ADAMTSL1: variants seen among roughly 807,000 people sequenced by gnomAD.
The protein encoded by ADAMTSL1 is ADAMTS like 1.
Under a neutral mutation model 201.8 loss-of-function variants are expected in ADAMTSL1, and 126 were observed. The ratio of observed to expected loss-of-function variants is 0.62; its 90% CI spans 0.54 to 0.72. The LOEUF (loss-of-function observed/expected upper bound fraction) is 0.72, where lower values mean the gene tolerates loss of function less well. Among genes scored for constraint, ADAMTSL1 ranks in the 30% least tolerant of loss-of-function variants. The pLI, the probability that ADAMTSL1 is intolerant of heterozygous loss-of-function variation, is 0.00. For synonymous variants in ADAMTSL1, 1,121 were observed against 903.4 expected (o/e 1.24, Z -4.32); for missense variants, 2,679 against 2,277.8 (o/e 1.18, Z -3.59).
chr9:18,702,826 G>A (rs1017263046), intron 13 of ADAMTSL1, among the ~76,000 whole-genome samples: 5 of 151,628 alleles, frequency 3.3e-5, no homozygotes, highest in East Asian at 3.9e-4. Context: ...GCGGTGGCAC[G>A]ATCTTGGCTC....
At chr9:18,892,313 T>C in intron 25 of ADAMTSL1, 76 bp from the exon 26 acceptor site, 2 of 1,428,690 alleles carry the variant, frequency 1.4e-6, no homozygotes, top group South Asian at 1.3e-5. Flanking sequence ...AGAGCAGGGA[T>C]GTCGGTGGGG....
chr9:18,277,903 G>T (rs1180000666), intron 2 of ADAMTSL1, among the ~76,000 whole-genome samples: 1 of 151,900 alleles, frequency 6.6e-6, no homozygotes, highest in African/African-American at 2.4e-5. Context: ...TGATTTTGAT[G>T]ATTTTTTTTG....
In ADAMTSL1 at chr9:18,843,804, C is replaced by A. The variant is rs1026837321; in HGVS notation, c.4249+13827C>A. ...TTCATTTGATCTTCAATCACTGATA[C>A]CCTTTCTTCCAGTTGATCACATCAG... On this transcript the variant is annotated intron_variant, in intron 23 of 28. Transcript: ENST00000380548. 5.3e-5 allele frequency among the ~76,000 whole-genome samples: 8 copies of A among 151,072 alleles called. 2 individuals carry two copies. The highest frequency in any genetic ancestry group is 4.1e-4 in the South Asian group (2 of 4,822).
intron 1 of ADAMTSL1, among the ~76,000 whole-genome samples, chr9:18,493,743 T>A (rs1203242505): frequency 6.6e-6 from 1 of 152,094 alleles, no homozygotes; most frequent in Admixed American, 6.5e-5. Flanking sequence ...TCTGCATACA[T>A]TTTTTCCCTC....
At chr9:18,662,227 G>A (rs903731462) in intron 9 of ADAMTSL1, among the ~76,000 whole-genome samples, 154 bp downstream of exon 9, 2 of 152,066 alleles carry the variant, frequency 1.3e-5, no homozygotes, top group Non-Finnish European at 1.5e-5. Context: ...CGTGTTATTA[G>A]TACCCATACT....
At chr9:18,863,203 G>C (rs1296631403) in intron 23 of ADAMTSL1, among the ~76,000 whole-genome samples, 1 of 152,172 alleles carries the variant, frequency 6.6e-6, no homozygotes, top group Non-Finnish European at 1.5e-5. Context: ...CCAAGTCCTA[G>C]GGTATGGGTG....
chr9:18,097,500 T>C (rs1824303937), intron 1 of ADAMTSL1, among the ~76,000 whole-genome samples: 1 of 152,204 alleles, frequency 6.6e-6, no homozygotes, highest in East Asian at 1.9e-4. Context: ...CAGTGTATTC[T>C]TCAAAGTCAT....
Position 18,828,661 on chromosome 9 carries a change from TATATATATATATATATA to T in ADAMTSL1, c.4115-1181_4115-1165del, listed in dbSNP as rs1458562857. ...AAAAGGATTCTTTTGAAAGTATATT[TATATATATATATATATA>T]TATATATATATATATAAAATGTGTG... On this transcript the variant is annotated intron_variant, in intron 22 of 28. Coordinates refer to ENST00000380548, the MANE Select transcript of ADAMTSL1 (RefSeq NM_001040272.6). 5.0e-4 allele frequency among the ~76,000 whole-genome samples: 30 copies of T among 60,440 alleles called. 4 individuals are homozygous for T. Among genetic ancestry groups the T allele is most frequent in the African/African-American group, 1.7e-3 (29 of 16,982 alleles). The allele number at this position is 60,440 out of a possible 152,430, so 39.7% of individuals were successfully genotyped here.
intron 3 of ADAMTSL1, among the ~76,000 whole-genome samples, 177 bp downstream of exon 3, chr9:18,533,469 A>G (rs371028132): frequency 2.0e-5 from 3 of 152,186 alleles, no homozygotes; most frequent in Non-Finnish European, 4.4e-5. Flanking sequence ...CTCATTATAG[A>G]CTTTTAATCA....
At chr9:18,590,106 C>G (rs1390763662) in intron 4 of ADAMTSL1, among the ~76,000 whole-genome samples, 1 of 151,830 alleles carries the variant, frequency 6.6e-6, no homozygotes, top group African/African-American at 2.4e-5. Context: ...TTTCTCTCCT[C>G]TTTGATTGTT....
chr9:18,095,405 C>CTTCT (rs1215943959), intron 1 of ADAMTSL1, among the ~76,000 whole-genome samples: 22 of 129,990 alleles, frequency 1.7e-4, no homozygotes, highest in African/African-American at 5.4e-4. Flanking sequence ...TGATAAGTTT[C>CTTCT]TTCTTTCTTT....
rs199986614 is a variant in ADAMTSL1 at position 18,338,515 on chromosome 9, T to C, written c.208-166314T>C. Among the ~76,000 whole-genome samples the C allele has an allele frequency of 2.4e-4, 36 of 152,228 alleles. No individual in the cohort carries two copies. In the East Asian group the frequency reaches 6.6e-3, roughly 28 times the overall value. On this transcript the variant is annotated intron_variant, in intron 2 of 29. Coordinates refer to the ADAMTSL1 transcript ENST00000680146. ...AGGTTAGAGTGTGGTGGCATAATCA[T>C]TGCTCACTGCAGCCTTGAACTCCTG...
intron 1 of ADAMTSL1, among the ~76,000 whole-genome samples, chr9:18,129,773 G>A (rs1825873400): frequency 6.6e-6 from 1 of 152,262 alleles, no homozygotes; most frequent in East Asian, 1.9e-4. Flanking sequence ...CTGAGAGTCA[G>A]AACTGCAAAA....
chr9:18,653,246 C>T (rs1035704153), intron 7 of ADAMTSL1, among the ~76,000 whole-genome samples: 3 of 152,178 alleles, frequency 2.0e-5, no homozygotes, highest in Admixed American at 6.5e-5. Context: ...CCTCGCTCCC[C>T]ACCACCACAA....
intron 5 of ADAMTSL1, among the ~76,000 whole-genome samples, chr9:18,630,526 A>G (rs1480768878): frequency 1.3e-5 from 2 of 151,996 alleles, no homozygotes; most frequent in Admixed American, 6.6e-5. Context: ...GGCTTTGTCT[A>G]CTCAATTCAG....
In ADAMTSL1 at chr9:18,657,756, G is replaced by T. The variant is rs371712616; in HGVS notation, c.946+6G>T. 6.2e-7 allele frequency: 1 copy of T among 1,606,756 alleles called. No homozygotes were observed. Among genetic ancestry groups the T allele is most frequent in the African/African-American group, 1.3e-5 (1 of 74,756 alleles). ...CTCAGCAACCTGTGGAGGAGGTAAT[G>T]GTGTTCACTTAGTCTAAAAACTGTT... On this transcript the variant is annotated splice_donor_region_variant and intron_variant, in intron 8 of 28. Transcript: ENST00000380548.
chr9:18,288,703 G>C (rs938288509), intron 2 of ADAMTSL1, among the ~76,000 whole-genome samples: 1 of 152,190 alleles, frequency 6.6e-6, no homozygotes, highest in Non-Finnish European at 1.5e-5. Flanking sequence ...GGCAGCAGAG[G>C]CTAAAGAAGC....
At chr9:18,861,913 A>C (rs1827238034) in intron 23 of ADAMTSL1, among the ~76,000 whole-genome samples, 1 of 151,724 alleles carries the variant, frequency 6.6e-6, no homozygotes, top group Admixed American at 6.6e-5. Context: ...CTTCCCTCAC[A>C]TTGTTTGTTA....
chr9:17,991,903 G>A (rs1463487049), intron 1 of ADAMTSL1, among the ~76,000 whole-genome samples: 8 of 152,060 alleles, frequency 5.3e-5, no homozygotes, highest in Non-Finnish European at 1.0e-4. Context: ...CCCTGCCCCC[G>A]TGGTACCCTG....
Sources: gnomAD v4.1 joint callset for allele counts (sites outside exome capture counted in the v4.1 genomes callset) on GRCh38, gnomAD v4.1.1 for gene constraint, MANE v1.5 for transcripts, NCBI Gene and HGNC (gene_info 2026-07-23, HGNC 2026-07-21) for gene names.